BCAS4: variants seen among roughly 807,000 people sequenced by gnomAD.
BCAS4 encodes breast carcinoma amplified sequence 4, also known as breast carcinoma-amplified sequence 4.
In BCAS4, 9 loss-of-function variants were observed where a neutral mutation model predicts 15.7. The observed-to-expected ratio is 0.57, with a 90% CI of 0.34 to 1.00. The LOEUF (loss-of-function observed/expected upper bound fraction) is 1.00, where lower values mean the gene tolerates loss of function less well. Among genes scored for constraint, BCAS4 ranks in the 50% least tolerant of loss-of-function variants. The probability of loss-of-function intolerance (pLI) is 0.02; values close to 1 mark genes in which losing one functional copy is unlikely to be tolerated. For synonymous variants in BCAS4, 101 were observed against 99.5 expected, an observed-to-expected ratio of 1.02 and a Z score of -0.09; for missense variants, 225 against 239.1, an observed-to-expected ratio of 0.94 and a Z score of 0.39.
chr20:50,807,446 A>G (rs1456667772), intron 1 of BCAS4, among the ~76,000 whole-genome samples: 1 of 151,768 alleles, frequency 6.6e-6, no homozygotes, highest in Non-Finnish European at 1.5e-5. Context: ...TGCCTGCCTC[A>G]GCCTTCCAAA....
chr20:50,808,787 G>T (rs754413779), intron 1 of BCAS4, among the ~76,000 whole-genome samples: 10 of 152,098 alleles, frequency 6.6e-5, no homozygotes, highest in Non-Finnish European at 1.2e-4. Flanking sequence ...TCTGTGGGTT[G>T]TCTGTTTACT....
intron 4 of BCAS4, among the ~76,000 whole-genome samples, chr20:50,871,088 G>C (rs1033973694): frequency 6.6e-6 from 1 of 152,250 alleles, no homozygotes; most frequent in Non-Finnish European, 1.5e-5. Context: ...GGGACGTGGA[G>C]AGCTCTGAAG....
chr20:50,795,032 C>T (rs764575046), upstream of BCAS4: 14 of 1,425,890 alleles, frequency 9.8e-6, no homozygotes, highest in South Asian at 2.0e-4. Flanking sequence ...GGCCCGGGCG[C>T]AACCACGGGC....
At chr20:50,812,179 C>T (rs1457846936) in intron 1 of BCAS4, among the ~76,000 whole-genome samples, 3 of 152,040 alleles carry the variant, frequency 2.0e-5, no homozygotes, top group Admixed American at 1.3e-4. Flanking sequence ...GTTGCCCAGG[C>T]TGGAGTGCAG....
intron 1 of BCAS4, among the ~76,000 whole-genome samples, chr20:50,796,468 TA>T: frequency 8.1e-5 from 1 of 12,310 alleles, no homozygotes; most frequent in South Asian, 3.6e-3. Context: ...TATATATATA[TA>T]TATATATATA....
intron 3 of BCAS4, among the ~76,000 whole-genome samples, chr20:50,836,833 G>A (rs1600873063): frequency 1.3e-5 from 2 of 152,090 alleles, no homozygotes; most frequent in Admixed American, 1.3e-4. Flanking sequence ...TCAGCCTCTC[G>A]AATAGCTGGG....
At chr20:50,871,205 A>T (rs1376521116) in intron 4 of BCAS4, among the ~76,000 whole-genome samples, 1 of 152,242 alleles carries the variant, frequency 6.6e-6, no homozygotes, top group African/African-American at 2.4e-5. Context: ...GGAGCTGGAC[A>T]GGCCGAGGGG....
intron 4 of BCAS4, among the ~76,000 whole-genome samples, chr20:50,875,373 A>C (rs1979870406): frequency 6.6e-6 from 1 of 152,194 alleles, no homozygotes. Context: ...CTCACCAGAA[A>C]CGAGGAAGCA....
chr20:50,837,231 C>T (rs2088420439), intron 3 of BCAS4, among the ~76,000 whole-genome samples: 1 of 152,174 alleles, frequency 6.6e-6, no homozygotes, highest in African/African-American at 2.4e-5. Flanking sequence ...GTTCCCCCCT[C>T]CTGGATGTCA....
intron 1 of BCAS4, among the ~76,000 whole-genome samples, chr20:50,816,491 CTGGCTTCTCT>C: frequency 6.6e-6 from 1 of 152,198 alleles, no homozygotes; most frequent in South Asian, 2.1e-4. Context: ...ATTAGGATTT[CTGGCTTCTCT>C]TGGAAAATGG....
At chr20:50,853,208 G>A (rs982577722) in intron 4 of BCAS4, among the ~76,000 whole-genome samples, 22 of 135,364 alleles carry the variant, frequency 1.6e-4, no homozygotes, top group African/African-American at 6.3e-4. Context: ...GTAGTGGTGT[G>A]ATCTCAGCTC....
intron 1 of BCAS4, among the ~76,000 whole-genome samples, chr20:50,796,149 G>C (rs1036825933): frequency 1.3e-5 from 2 of 151,544 alleles, no homozygotes; most frequent in African/African-American, 4.9e-5. Flanking sequence ...CTGGGAGGCC[G>C]AGACGGGTGG....
chr20:50,810,029 T>C (rs888391104), intron 1 of BCAS4, among the ~76,000 whole-genome samples: 1 of 152,120 alleles, frequency 6.6e-6, no homozygotes, highest in Non-Finnish European at 1.5e-5. Flanking sequence ...TTTCTAGGTA[T>C]ACGATCATGT....
intron 4 of BCAS4, among the ~76,000 whole-genome samples, chr20:50,862,833 T>A (rs909098710): frequency 1.3e-5 from 2 of 152,058 alleles, no homozygotes; most frequent in Non-Finnish European, 2.9e-5. Flanking sequence ...CACTCAGGGC[T>A]TTTTTTGTTT....
chr20:50,801,667 G>C (rs1357350146), intron 1 of BCAS4, among the ~76,000 whole-genome samples: 1 of 152,158 alleles, frequency 6.6e-6, no homozygotes, highest in African/African-American at 2.4e-5. Flanking sequence ...TGGCAAACCT[G>C]CATTGTGCCA....
chr20:50,882,507 C>T, the BCAS4 span: 1 of 152,200 alleles, frequency 6.6e-6, no homozygotes, highest in Non-Finnish European at 1.5e-5. Flanking sequence ...GTGAAAAAGA[C>T]ATTACTATTC....
chr20:50,840,106 C>T (rs1302010141), intron 3 of BCAS4, among the ~76,000 whole-genome samples: 8 of 152,164 alleles, frequency 5.3e-5, no homozygotes, highest in Non-Finnish European at 8.8e-5. Flanking sequence ...AATTCCTGGC[C>T]TCAAGTGACC....
At chr20:50,865,759 G>A (rs1271286300) in intron 4 of BCAS4, among the ~76,000 whole-genome samples, 1 of 152,226 alleles carries the variant, frequency 6.6e-6, no homozygotes, top group Non-Finnish European at 1.5e-5. Flanking sequence ...TGGGCAGGAG[G>A]ATTCAGATGG....
rs1019332545 is a variant in BCAS4, at chr20:50,795,215, G to A, written c.90+42G>A. ...TGGAGTTGGAGGAGAGGGTTCTCGC[G>A]GTTAGGGGTCCGGGCTCCGGACCCT... On this transcript the variant is annotated intron_variant, in intron 1 of 4. Transcript: ENST00000371608. 3 of 1,335,368 alleles carry A rather than the reference G, an allele frequency of 2.2e-6. No homozygotes were observed. In the East Asian group the frequency reaches 9.3e-5, roughly 41 times the overall value. 82.7% of individuals were successfully genotyped at this position (1,335,368 alleles called of 1,614,324 possible). A position where few individuals can be genotyped will look rare whatever the true frequency, so the allele number is the denominator to read the frequency against.
Sources: allele counts gnomAD v4.1 joint callset (sites outside exome capture counted in the v4.1 genomes callset), GRCh38; gene constraint gnomAD v4.1.1; transcripts MANE v1.5; gene names NCBI Gene and HGNC (gene_info 2026-07-23, HGNC 2026-07-21).